LIFR: variants seen among roughly 807,000 people sequenced by gnomAD.
LIFR encodes the protein LIF receptor subunit alpha, also known as leukemia inhibitory factor receptor.
LIFR carries 84 observed loss-of-function variants against 122.2 expected under a neutral mutation model. The observed-to-expected ratio is 0.69, with a 90% CI of 0.58 to 0.82. The LOEUF is 0.82. Among genes scored for constraint, LIFR ranks in the 40% least tolerant of loss-of-function variants. The pLI, the probability that LIFR is intolerant of heterozygous loss-of-function variation, is 0.00. For missense variants in LIFR, 1,294 were observed against 1,311.6 expected (o/e 0.99, Z 0.21); for synonymous variants, 422 against 434.7 (o/e 0.97, Z 0.36).
chr5:38,506,388 T>G (rs1438167354), intron 8 of LIFR, 115 bp downstream of exon 8: 6 of 1,222,870 alleles, frequency 4.9e-6, no homozygotes, highest in African/African-American at 1.5e-5. Context: ...ATACAGCATA[T>G]TTGGTTTTAT....
chr5:38,528,980 TG>T (rs770376832), intron 2 of LIFR, 140 bp from the exon 3 acceptor site: 3 of 631,164 alleles, frequency 4.8e-6, no homozygotes, highest in Middle Eastern at 4.3e-4. Flanking sequence ...AGAGAGCCCA[TG>T]TTTTTTTTTT....
Position 38,476,122 on chromosome 5 carries a change from C to T in LIFR, c.*5473G>A, listed in dbSNP as rs1305097925. The T allele has an allele frequency of 5.0e-6, 1 of 200,336 alleles. No homozygotes were observed. Among genetic ancestry groups the T allele is most frequent in the Non-Finnish European group, 1.0e-5 (1 of 97,198 alleles). 12.4% of individuals were successfully genotyped at this position (200,336 alleles called of 1,614,324 possible). On this transcript the variant is annotated 3_prime_UTR_variant, in exon 20 of 20. Transcript: ENST00000453190. Reference sequence around the variant, plus strand: ...GAAGGAAAAATTAAATACAAGGAAACACTAGCTTATGATATATTAGACAAT... The same window carrying T: ...GAAGGAAAAATTAAATACAAGGAAATACTAGCTTATGATATATTAGACAAT...
At chr5:38,518,866 T>C (rs1370655889) in intron 5 of LIFR, among the ~76,000 whole-genome samples, 1 of 152,118 alleles carries the variant, frequency 6.6e-6, no homozygotes, top group Non-Finnish European at 1.5e-5. Flanking sequence ...TGGGACAAGA[T>C]GTGGAGGTGG....
chr5:38,518,886 A>G (rs1217974502), intron 5 of LIFR, among the ~76,000 whole-genome samples: 3 of 152,186 alleles, frequency 2.0e-5, no homozygotes, highest in African/African-American at 7.2e-5. Context: ...GCAGACTGTT[A>G]TACTGATGAT....
At chr5:38,491,559 A>G (rs1446038723) in intron 14 of LIFR, among the ~76,000 whole-genome samples, 1 of 152,214 alleles carries the variant, frequency 6.6e-6, no homozygotes, top group Non-Finnish European at 1.5e-5. Context: ...TTGGCAGCAT[A>G]TGGCATTGCA....
At chr5:38,491,143 G>A (rs1290090073) in intron 14 of LIFR, among the ~76,000 whole-genome samples, 3 of 152,140 alleles carry the variant, frequency 2.0e-5, no homozygotes, top group Non-Finnish European at 4.4e-5. Flanking sequence ...GTGTCCTTGG[G>A]TGAGTTAACT....
At chr5:38,599,639 T>C (rs890887052), upstream of LIFR, among the ~76,000 whole-genome samples, 2 of 152,208 alleles carry the variant, frequency 1.3e-5, no homozygotes, top group African/African-American at 4.8e-5. Flanking sequence ...CATTTTCAGT[T>C]ACTTTTTTAA....
intron 8 of LIFR, 65 bp downstream of exon 8, chr5:38,506,438 T>A: frequency 6.4e-7 from 1 of 1,560,616 alleles, no homozygotes; most frequent in East Asian, 2.2e-5. Context: ...CAGTTCCCTA[T>A]GTCATTTAAC....
upstream of LIFR, among the ~76,000 whole-genome samples, chr5:38,596,065 A>G (rs1260803245): frequency 1.3e-5 from 2 of 152,172 alleles, no homozygotes; most frequent in Non-Finnish European, 2.9e-5. Context: ...AGCCTGCTTC[A>G]TGAGATGACT....
chr5:38,551,310 G>A (rs1159002031), intron 1 of LIFR, among the ~76,000 whole-genome samples: 4 of 152,066 alleles, frequency 2.6e-5, no homozygotes, highest in Admixed American at 6.6e-5. Flanking sequence ...TGTGGCACTC[G>A]GGTGTCCTCA....
chr5:38,516,550 G>A (rs1746092957), intron 5 of LIFR, among the ~76,000 whole-genome samples: 1 of 152,232 alleles, frequency 6.6e-6, no homozygotes, highest in South Asian at 2.1e-4. Flanking sequence ...TAAAAAGACA[G>A]GAAACAACAG....
intron 1 of LIFR, among the ~76,000 whole-genome samples, chr5:38,594,237 G>C (rs1181342657): frequency 2.0e-5 from 3 of 152,178 alleles, no homozygotes; most frequent in African/African-American, 4.8e-5. Flanking sequence ...AAACGATGGA[G>C]ATGGTTAAAA....
chr5:38,497,806 T>A (rs550410888), intron 12 of LIFR, among the ~76,000 whole-genome samples: 41 of 152,338 alleles, frequency 2.7e-4, no homozygotes, highest in Middle Eastern at 6.8e-3. Context: ...TACAGTTATA[T>A]ACATTTTCAT....
At chr5:38,558,188 AT>A (rs1335091366), upstream of LIFR, 2 of 151,908 alleles carry the variant, frequency 1.3e-5, no homozygotes, top group Non-Finnish European at 2.9e-5. Flanking sequence ...ATGTATGTAT[AT>A]ATGTGTGTGT....
intron 1 of LIFR, among the ~76,000 whole-genome samples, chr5:38,564,287 A>G (rs1748933351): frequency 6.6e-6 from 1 of 151,246 alleles, no homozygotes; most frequent in Non-Finnish European, 1.5e-5. Context: ...CAGTGGCACC[A>G]TCACAGCTCA....
chr5:38,525,389 G>A (rs1434590079), intron 4 of LIFR, among the ~76,000 whole-genome samples: 1 of 152,164 alleles, frequency 6.6e-6, no homozygotes, highest in African/African-American at 2.4e-5. Flanking sequence ...TATAGTCATG[G>A]TAAGCCCAAA....
chr5:38,478,654 C>T lies in LIFR; in HGVS notation c.*2941G>A. 1 of 196,528 alleles carries T rather than the reference C, an allele frequency of 5.1e-6. No individual in the cohort carries two copies. Among genetic ancestry groups the T allele is most frequent in the Non-Finnish European group, 1.1e-5 (1 of 94,306 alleles). The allele number at this position is 196,528 out of a possible 1,614,324, so 12.2% of individuals were successfully genotyped here. ...TGGTCACTCATAAAAGAAATGTAGTCATAATAAGCCCCATAATGATCTCCA... is the reference window on the plus strand; with the variant it reads ...TGGTCACTCATAAAAGAAATGTAGTTATAATAAGCCCCATAATGATCTCCA... On this transcript the variant is annotated 3_prime_UTR_variant, in exon 20 of 20. Transcript: ENST00000453190.
intron 1 of LIFR, among the ~76,000 whole-genome samples, chr5:38,545,401 G>A (rs978489741): frequency 6.6e-6 from 1 of 152,188 alleles, no homozygotes; most frequent in Admixed American, 6.5e-5. Flanking sequence ...TATATGCACA[G>A]AAATTAATCT....
intron 1 of LIFR, chr5:38,550,166 A>C (rs1368696928): frequency 1.7e-6 from 1 of 598,252 alleles, no homozygotes; most frequent in Non-Finnish European, 2.1e-6. Context: ...ATAACAATTG[A>C]AACACCCACC....
Sources: allele counts gnomAD v4.1 joint callset (sites outside exome capture counted in the v4.1 genomes callset), GRCh38; gene constraint gnomAD v4.1.1; transcripts MANE v1.5; gene names NCBI Gene and HGNC (gene_info 2026-07-23, HGNC 2026-07-21).